GIGYF2: variants seen among roughly 807,000 people sequenced by gnomAD.
The protein encoded by GIGYF2 is GRB10-interacting GYF protein 2.
GIGYF2 carries 25 observed loss-of-function variants against 208.1 expected under a neutral mutation model. The ratio of observed to expected loss-of-function variants is 0.12; its 90% CI spans 0.09 to 0.17. GIGYF2 has a LOEUF of 0.17. Ranked by LOEUF, GIGYF2 falls within the 10% of genes least tolerant of loss-of-function variation. The pLI is 1.00. For synonymous variants in GIGYF2, 534 were observed against 543.8 expected, an observed-to-expected ratio of 0.98 and a Z score of 0.25; for missense variants, 1,302 against 1,579.4, an observed-to-expected ratio of 0.82 and a Z score of 2.98.
chr2:232,809,671 C>T, intron 15 of GIGYF2, 49 bp from the exon 16 acceptor site: 1 of 1,081,420 alleles, frequency 9.2e-7, no homozygotes, highest in Non-Finnish European at 1.4e-6. Context: ...CTTTTAGGTT[C>T]TTTGCAGTTT....
At chr2:232,715,835 T>A (rs1046731665) in intron 2 of GIGYF2, among the ~76,000 whole-genome samples, 14 of 151,530 alleles carry the variant, frequency 9.2e-5, no homozygotes, top group Admixed American at 2.0e-4. Context: ...TTTTTTTTTT[T>A]AACCTTAAAA....
chr2:232,763,392 A>G (rs1446839655), intron 8 of GIGYF2, among the ~76,000 whole-genome samples: 3 of 152,190 alleles, frequency 2.0e-5, no homozygotes, highest in Non-Finnish European at 4.4e-5. Flanking sequence ...AACCACAGAT[A>G]GTACTGAATC....
At chr2:232,840,006 G>T in intron 23 of GIGYF2, 35 bp downstream of exon 23, 1 of 1,603,988 alleles carries the variant, frequency 6.2e-7, no homozygotes, top group Non-Finnish European at 8.5e-7. Flanking sequence ...CTAGTCAAGC[G>T]ATGTTCCAGA....
rs756094059 is a variant in GIGYF2 at position 232,845,869 on chromosome 2, C to T, written c.3443C>T (p.Thr1148Met). The T allele has an allele frequency of 5.6e-5, 90 of 1,605,028 alleles. No individual in the cohort carries two copies. Among genetic ancestry groups the T allele is most frequent in the Middle Eastern group, 1.6e-4 (1 of 6,064 alleles). Residue 1148 changes from threonine to methionine, a missense_variant, in exon 26 of 29, where the codon ACG becomes ATG. Thr to Met is a moderately conservative substitution (Grantham distance 81). Around this residue, in one of 8 missense-constraint regions of GIGYF2, gnomAD observed 701 missense variants for 793.0 expected, o/e 0.88. Transcript: ENST00000373563. Reference sequence around the variant, plus strand: ...GAACAGATGCTTCATGCCCTTAATACGGCAAATAACTTGGATGGTAAGAAT... The same window carrying T: ...GAACAGATGCTTCATGCCCTTAATATGGCAAATAACTTGGATGGTAAGAAT... ...WCEQMLHALN[T>M]ANNLDVPTFV...
chr2:232,801,774 G>A (rs1255827517), intron 14 of GIGYF2, among the ~76,000 whole-genome samples: 1 of 152,114 alleles, frequency 6.6e-6, no homozygotes, highest in East Asian at 1.9e-4. Context: ...TTGAGACTTC[G>A]TATGTATTTT....
chr2:232,720,597 G>A (rs1238265471), intron 2 of GIGYF2, among the ~76,000 whole-genome samples: 1 of 108,462 alleles, frequency 9.2e-6, no homozygotes, highest in Non-Finnish European at 2.1e-5. Flanking sequence ...TTGTTTGTTT[G>A]TTTGTTTGTT....
intron 26 of GIGYF2, among the ~76,000 whole-genome samples, chr2:232,846,888 T>C (rs547254261): frequency 2.0e-5 from 3 of 152,380 alleles, no homozygotes; most frequent in African/African-American, 7.2e-5. Flanking sequence ...CTGATACTCA[T>C]GCTTTTCTCC....
intron 2 of GIGYF2, chr2:232,705,434 G>A (rs767428787): frequency 1.3e-5 from 2 of 152,118 alleles, no homozygotes; most frequent in Non-Finnish European, 2.9e-5. Flanking sequence ...TTGAGACAGA[G>A]TTGCACTCTT....
Position 232,845,841 on chromosome 2 carries a change from T to G in GIGYF2, c.3415T>G (p.Cys1139Gly), listed in dbSNP as rs1701982761. The G allele has an allele frequency of 6.2e-7, 1 of 1,612,820 alleles. No homozygotes were observed. Among genetic ancestry groups the G allele is most frequent in the Admixed American group, 1.7e-5 (1 of 59,990 alleles). ...NKAQDGFTQW[C>G]EQMLHALNTA... ...AGCCCAAGATGGATTTACGCAGTGG[T>G]GTGAACAGATGCTTCATGCCCTTAA... Residue 1139 changes from cysteine (C) to glycine (G), a missense_variant, in exon 26 of 29, where the codon TGT becomes GGT. Around this residue, in one of 8 missense-constraint regions of GIGYF2, gnomAD observed 701 missense variants for 793.0 expected, o/e 0.88. Transcript: ENST00000373563.
chr2:232,791,401 C>T lies in GIGYF2; in HGVS notation c.1237C>T (p.Arg413Trp), dbSNP rs141380400. ...AACGGAAAAAGCTGAAGAGGAGACT[C>T]GGATGGAAAATAGTCTACCAGCCAA... ...EQTEKAEEETRMENSLPAKVP... is the reference protein window; with the variant it reads ...EQTEKAEEETWMENSLPAKVP... The change falls in exon 12 of 29, where the codon CGG becomes TGG. Residue 413 changes from arginine to tryptophan, a missense_variant. Arg to Trp is a moderately radical substitution (Grantham distance 101). Around this residue, in one of 8 missense-constraint regions of GIGYF2, gnomAD observed 235 missense variants for 218.8 expected, o/e 1.07. Transcript: ENST00000373563. The T allele has an allele frequency of 1.5e-5, 24 of 1,613,818 alleles. No individual in the cohort carries two copies. Among genetic ancestry groups the T allele is most frequent in the South Asian group, 7.7e-5 (7 of 91,068 alleles).
intron 8 of GIGYF2, among the ~76,000 whole-genome samples, chr2:232,772,019 C>G (rs1699278704): frequency 6.6e-6 from 1 of 152,124 alleles, no homozygotes; most frequent in Non-Finnish European, 1.5e-5. Context: ...GGGTCTTGCT[C>G]TGTCTCCTAG....
chr2:232,716,447 C>T (rs1056919561), intron 2 of GIGYF2, among the ~76,000 whole-genome samples: 23 of 142,990 alleles, frequency 1.6e-4, no homozygotes, highest in Non-Finnish European at 2.8e-4. Context: ...GGCACGATCT[C>T]GGCTCACTGC....
At chr2:232,744,526 T>TTTTC (rs573309597) in intron 3 of GIGYF2, among the ~76,000 whole-genome samples, 70 of 152,034 alleles carry the variant, frequency 4.6e-4, no homozygotes, top group South Asian at 1.5e-3. Flanking sequence ...TTGTGTTTTT[T>TTTTC]TTTCTTTCTT....
chr2:232,806,588 T>C lies in GIGYF2; in HGVS notation c.1737T>C (p.Pro579=). 6.2e-7 allele frequency: 1 copy of C among 1,612,922 alleles called. No homozygotes were observed. The highest frequency in any genetic ancestry group is 8.5e-7 in the Non-Finnish European group (1 of 1,178,922). The change falls in exon 15 of 29, where the codon CCT becomes CCC. Residue 579 remains proline (P), a synonymous_variant. Coordinates refer to ENST00000373563, the MANE Select transcript of GIGYF2 (RefSeq NM_001103146.3). This position sits in a 1 kb window ranked among gnomAD's most constrained non-coding sequence, Gnocchi z 4.0. ...VKRACDESFQ[P]LGDIMKMWGR... is the part of the protein sequence containing the mutation. The stretch of plus-strand genomic sequence containing the variant: ...GAGCGTGTGATGAAAGCTTCCAACC[T>C]CTTGGCGATATCATGAAAATGTGGG...
intron 14 of GIGYF2, among the ~76,000 whole-genome samples, chr2:232,803,674 C>CTTTTTTTTTTTTTTTTTTTTTTTTT (rs768507929): frequency 2.0e-5 from 1 of 49,926 alleles, no homozygotes; most frequent in African/African-American, 1.3e-4. Context: ...ATTTCTGCTT[C>CTTTTTTTTTTTTTTTTTTTTTTTTT]TTTTTTTTTT....
intron 27 of GIGYF2, among the ~76,000 whole-genome samples, chr2:232,850,011 G>C (rs1030869752): frequency 6.6e-6 from 1 of 152,156 alleles, no homozygotes; most frequent in Non-Finnish European, 1.5e-5. Flanking sequence ...CAGCAGGGTG[G>C]AAACCCAGAG....
intron 14 of GIGYF2, among the ~76,000 whole-genome samples, chr2:232,803,836 C>T (rs13396304): frequency 0.052 from 3,412 of 65,386 alleles, 1,416 homozygotes; most frequent in African/African-American, 0.25. Context: ...TACAGGCGCC[C>T]GCCACCGCGC....
At chr2:232,839,472 TTGCTTTCGTCA>T (rs1701752587) in intron 22 of GIGYF2, among the ~76,000 whole-genome samples, 1 of 152,234 alleles carries the variant, frequency 6.6e-6, no homozygotes, top group African/African-American at 2.4e-5. Flanking sequence ...ATGTCCTTTG[TTGCTTTCGTCA>T]ATTAAAAAAT....
At chr2:232,743,524 G>A (rs1327636584) in intron 3 of GIGYF2, among the ~76,000 whole-genome samples, 2 of 152,038 alleles carry the variant, frequency 1.3e-5, no homozygotes, top group Non-Finnish European at 2.9e-5. Flanking sequence ...GTGTTACACC[G>A]AGTACCCAGT....
Sources: gnomAD v4.1 joint callset for allele counts (sites outside exome capture counted in the v4.1 genomes callset) on GRCh38, gnomAD v4.1.1 for gene constraint, gnomAD v4.1.1 regional missense constraint, Gnocchi (gnomAD v3.1) non-coding constraint, MANE v1.5 for transcripts, NCBI Gene and HGNC (gene_info 2026-07-23, HGNC 2026-07-21) for gene names.